The following CUEDC1 variants were observed in gnomAD, a reference collection of about 807,000 sequenced individuals.
CUEDC1 encodes CUE domain containing 1, also known as CUE domain-containing protein 1.
Under a neutral mutation model 43.7 loss-of-function variants are expected in CUEDC1, and 30 were observed. The ratio of observed to expected loss-of-function variants is 0.69; its 90% CI spans 0.51 to 0.93. The LOEUF (loss-of-function observed/expected upper bound fraction) is 0.93, where lower values mean the gene tolerates loss of function less well. Among genes scored for constraint, CUEDC1 ranks in the 40% least tolerant of loss-of-function variants. CUEDC1 has a pLI of 0.00. For missense variants in CUEDC1, 486 were observed against 549.0 expected, an observed-to-expected ratio of 0.89 and a Z score of 1.15; for synonymous variants, 223 against 223.6, an observed-to-expected ratio of 1.00 and a Z score of 0.02.
intron 2 of CUEDC1, 97 bp downstream of exon 2, chr17:57,885,132 G>C: frequency 6.8e-7 from 1 of 1,468,316 alleles, no homozygotes; most frequent in Non-Finnish European, 9.0e-7. Flanking sequence ...CCTCTTAGAG[G>C]TTCCAGTGGT....
intron 1 of CUEDC1, among the ~76,000 whole-genome samples, chr17:57,940,142 T>C (rs2074903965): frequency 2.0e-5 from 3 of 151,864 alleles, no homozygotes; most frequent in South Asian, 4.1e-4. Flanking sequence ...ATAGTCAACA[T>C]GTAATAAAGG....
intron 10 of CUEDC1, among the ~76,000 whole-genome samples, chr17:57,864,000 C>CAAAA (rs71365846): frequency 2.4e-5 from 2 of 82,548 alleles, no homozygotes; most frequent in Non-Finnish European, 4.4e-5. Context: ...GACTCCATCT[C>CAAAA]AAAAAAAAAA....
intron 3 of CUEDC1, among the ~76,000 whole-genome samples, chr17:57,874,487 G>A (rs1873866962): frequency 6.6e-6 from 1 of 152,214 alleles, no homozygotes; most frequent in Admixed American, 6.5e-5. Flanking sequence ...CTGTGCCATG[G>A]CAGAGCCAAC....
chr17:57,918,414 C>T (rs947801730), intron 1 of CUEDC1, among the ~76,000 whole-genome samples: 1 of 152,196 alleles, frequency 6.6e-6, no homozygotes, highest in African/African-American at 2.4e-5. Flanking sequence ...CCTGGTATCC[C>T]GCCCTGGGTT....
At chr17:57,949,428 C>T (rs926927422) in intron 1 of CUEDC1, among the ~76,000 whole-genome samples, 1 of 152,068 alleles carries the variant, frequency 6.6e-6, no homozygotes, top group Non-Finnish European at 1.5e-5. Flanking sequence ...TAAGCTGAAC[C>T]CTCCAGGCAT....
At chr17:57,868,466 A>C in intron 7 of CUEDC1, 1 of 572,122 alleles carries the variant, frequency 1.7e-6, no homozygotes. Context: ...CTGCAGGGGC[A>C]GCACAGGACA....
At chr17:57,871,433 G>T in intron 5 of CUEDC1, 64 bp from the exon 6 acceptor site, 1 of 1,384,546 alleles carries the variant, frequency 7.2e-7, no homozygotes, top group Non-Finnish European at 1.0e-6. Context: ...GGCAGGCTGG[G>T]CTGGGACACG....
rs767565218 is a variant in CUEDC1, at chr17:57,866,531, C to G, written c.1107G>C (p.Arg369=). The G allele has an allele frequency of 6.2e-7, 1 of 1,614,136 alleles. No individual in the cohort carries two copies. The highest frequency in any genetic ancestry group is 2.2e-5 in the East Asian group (1 of 44,876). The change falls in exon 10 of 11, where the codon CGG becomes CGC. Residue 369 remains arginine, a synonymous_variant. Coordinates refer to ENST00000577830, the MANE Select transcript of CUEDC1 (RefSeq NM_001271875.2). ...VEGHACDEDF[R]GRRQEAPKVE... ...CCTTGGGTGCCTCCTGACGCCTGCC[C>G]CGGAAGTCTTCATCTGAAAAGGAGA... is the stretch of plus-strand genomic sequence containing the variant.
At chr17:57,933,673 C>A (rs1307091958) in intron 1 of CUEDC1, among the ~76,000 whole-genome samples, 1 of 152,188 alleles carries the variant, frequency 6.6e-6, no homozygotes, top group Non-Finnish European at 1.5e-5. Flanking sequence ...CTCATACTTC[C>A]TCAGCCCCAC....
chr17:57,880,007 C>T (rs781526525), intron 2 of CUEDC1, among the ~76,000 whole-genome samples: 5 of 152,192 alleles, frequency 3.3e-5, no homozygotes, highest in Non-Finnish European at 7.3e-5. Flanking sequence ...CATTCTCCCT[C>T]CATGTGCAGT....
In CUEDC1 at chr17:57,955,108, A is replaced by G. The variant is rs1394997851; in HGVS notation, c.-316+117T>C. 6.8e-6 allele frequency: 1 copy of G among 147,968 alleles called. No homozygotes were observed. The allele number at this position is 147,968 out of a possible 1,614,324, so 9.2% of individuals were successfully genotyped here. On this transcript the variant is annotated intron_variant, in intron 1 of 10. Coordinates refer to ENST00000577830, the MANE Select transcript of CUEDC1 (RefSeq NM_001271875.2). The surrounding 1 kb of genome is among the most constrained non-coding windows in gnomAD (Gnocchi z 5.3). The stretch of plus-strand genomic sequence containing the variant: ...CGGCCCTCCCGGCGGCGCCTGGGCA[A>G]CGGGTCCCGAGAAGGTGGGGCCGCT...
chr17:57,870,332 AGAGCTTCT>A (rs943672304), intron 6 of CUEDC1, among the ~76,000 whole-genome samples: 9 of 152,368 alleles, frequency 5.9e-5, no homozygotes, highest in Admixed American at 4.6e-4. Context: ...TTCAGCCATC[AGAGCTTCT>A]GAGCAGAAGG....
intron 3 of CUEDC1, among the ~76,000 whole-genome samples, chr17:57,874,569 C>T (rs2074084557): frequency 6.6e-6 from 1 of 152,210 alleles, no homozygotes; most frequent in Non-Finnish European, 1.5e-5. Flanking sequence ...CGCCCTACCG[C>T]CCTGGGCCTG....
chr17:57,865,058 A>AAATGAATGAATGAATG (rs140245915), intron 10 of CUEDC1, among the ~76,000 whole-genome samples: 6 of 151,600 alleles, frequency 4.0e-5, no homozygotes, highest in African/African-American at 1.5e-4. Flanking sequence ...CTCTGTCTCA[A>AAATGAATGAATGAATG]AATGAATGAA....
At chr17:57,908,420 A>C (rs1442378527) in intron 1 of CUEDC1, among the ~76,000 whole-genome samples, 1 of 152,126 alleles carries the variant, frequency 6.6e-6, no homozygotes, top group Non-Finnish European at 1.5e-5. Context: ...AGGGCCCCAC[A>C]TGCTGAGAAC....
At chr17:57,875,503 G>T (rs561770965) in intron 3 of CUEDC1, among the ~76,000 whole-genome samples, 8 of 152,170 alleles carry the variant, frequency 5.3e-5, no homozygotes, top group African/African-American at 1.9e-4. Flanking sequence ...CCACAGCTGC[G>T]TGAGCCAGGG....
rs746671964 is a variant in CUEDC1, at chr17:57,866,548, A to C, written c.1094-4T>G. ...CGCCTGCCCCGGAAGTCTTCATCTG[A>C]AAAGGAGAGGGAAGCTGCCTCATCC... On this transcript the variant is annotated splice_region_variant and splice_polypyrimidine_tract_variant and intron_variant, in intron 9 of 10. Coordinates refer to ENST00000577830, the MANE Select transcript of CUEDC1 (RefSeq NM_001271875.2). The C allele has an allele frequency of 6.2e-7, 1 of 1,613,890 alleles. No individual in the cohort carries two copies. Among genetic ancestry groups the C allele is most frequent in the East Asian group, 2.2e-5 (1 of 44,866 alleles).
chr17:57,948,800 T>C (rs570433351), intron 1 of CUEDC1, among the ~76,000 whole-genome samples: 38 of 152,322 alleles, frequency 2.5e-4, no homozygotes, highest in African/African-American at 8.4e-4. Flanking sequence ...CCTCCCTCTG[T>C]AGTTTAAATT....
At chr17:57,865,905 C>T (rs1282609965) in intron 10 of CUEDC1, among the ~76,000 whole-genome samples, 1 of 151,928 alleles carries the variant, frequency 6.6e-6, no homozygotes, top group Non-Finnish European at 1.5e-5. Context: ...TCACTGCCAC[C>T]TCCGCCTCCC....
Sources: gnomAD v4.1 joint callset for allele counts (sites outside exome capture counted in the v4.1 genomes callset) on GRCh38, gnomAD v4.1.1 for gene constraint, Gnocchi (gnomAD v3.1) non-coding constraint, MANE v1.5 for transcripts, NCBI Gene and HGNC (gene_info 2026-07-23, HGNC 2026-07-21) for gene names.